SBF2: variants seen among roughly 807,000 people sequenced by gnomAD.
SBF2 encodes the protein myotubularin-related protein 13.
SBF2 carries 112 observed loss-of-function variants against 225.2 expected under a neutral mutation model. The observed-to-expected ratio is 0.50, with a 90% CI of 0.43 to 0.58. SBF2 has a LOEUF of 0.58. Among genes scored for constraint, SBF2 ranks in the 20% least tolerant of loss-of-function variants. SBF2 has a pLI of 0.00. For missense variants in SBF2, 1,996 were observed against 2,206.2 expected, an observed-to-expected ratio of 0.90 and a Z score of 1.91; for synonymous variants, 763 against 773.3, an observed-to-expected ratio of 0.99 and a Z score of 0.22.
At chr11:9,877,234 T>G in intron 17 of SBF2, among the ~76,000 whole-genome samples, 1 of 152,276 alleles carries the variant, frequency 6.6e-6, no homozygotes, top group East Asian at 1.9e-4. Context: ...AAGGTAGAGT[T>G]TTTAAAAAAT....
chr11:10,085,832 C>G (rs1441620478), intron 2 of SBF2, among the ~76,000 whole-genome samples: 1 of 152,022 alleles, frequency 6.6e-6, no homozygotes, highest in Non-Finnish European at 1.5e-5. Flanking sequence ...CATCTTGACC[C>G]TCCTGTCCCC....
intron 6 of SBF2, among the ~76,000 whole-genome samples, chr11:10,009,260 ATAT>A (rs991602632): frequency 2.0e-5 from 3 of 152,094 alleles, no homozygotes; most frequent in African/African-American, 7.2e-5. Flanking sequence ...TGCTTTCTAT[ATAT>A]TTTTATTTAT....
chr11:10,043,279 C>G (rs1949725171), intron 2 of SBF2, among the ~76,000 whole-genome samples: 2 of 152,102 alleles, frequency 1.3e-5, no homozygotes, highest in Non-Finnish European at 1.5e-5. Flanking sequence ...AAGACATCCC[C>G]CAACTATGAG....
At chr11:10,278,370 T>C (rs966917912) in intron 1 of SBF2, among the ~76,000 whole-genome samples, 1 of 152,216 alleles carries the variant, frequency 6.6e-6, no homozygotes, top group Non-Finnish European at 1.5e-5. Context: ...TAAATAACTT[T>C]TACTCAATAA....
At chr11:10,160,298 T>G (rs1955676625) in intron 2 of SBF2, among the ~76,000 whole-genome samples, 1 of 152,190 alleles carries the variant, frequency 6.6e-6, no homozygotes, top group South Asian at 2.1e-4. Context: ...AAACTCTCCA[T>G]TCCCCAAACT....
At chr11:10,284,524 T>C (rs1158903277) in intron 1 of SBF2, among the ~76,000 whole-genome samples, 1 of 152,162 alleles carries the variant, frequency 6.6e-6, no homozygotes, top group African/African-American at 2.4e-5. Flanking sequence ...TTCTATATAA[T>C]TCAAATAGCA....
chr11:9,977,457 T>C (rs1333592079), intron 13 of SBF2, among the ~76,000 whole-genome samples: 1 of 151,638 alleles, frequency 6.6e-6, no homozygotes, highest in East Asian at 1.9e-4. Flanking sequence ...ACTGCACTCC[T>C]TTCTGGGTGA....
At chr11:10,211,914 T>C (rs1957956761) in intron 1 of SBF2, among the ~76,000 whole-genome samples, 2 of 152,220 alleles carry the variant, frequency 1.3e-5, no homozygotes, top group Admixed American at 1.3e-4. Flanking sequence ...AGACCACATG[T>C]GGAACCAAAT....
chr11:10,064,712 A>C (rs1950571147), intron 2 of SBF2, among the ~76,000 whole-genome samples: 1 of 152,206 alleles, frequency 6.6e-6, no homozygotes, highest in Non-Finnish European at 1.5e-5. Context: ...TATATGGGCC[A>C]ATTAATCAAG....
chr11:10,215,887 A>G (rs1423793430), intron 1 of SBF2, among the ~76,000 whole-genome samples: 1 of 152,150 alleles, frequency 6.6e-6, no homozygotes, highest in Non-Finnish European at 1.5e-5. Flanking sequence ...ATGCTCATCT[A>G]TGTCTTTAAG....
intron 17 of SBF2, among the ~76,000 whole-genome samples, chr11:9,893,192 T>C (rs75311148): frequency 1.6e-3 from 238 of 152,360 alleles, no homozygotes; most frequent in African/African-American, 5.5e-3. Context: ...TGAGGATGGC[T>C]AATTTGCAAT....
intron 31 of SBF2, chr11:9,808,530 G>A (rs1012614581): frequency 5.9e-5 from 25 of 426,644 alleles, no homozygotes; most frequent in Non-Finnish European, 9.6e-5. Flanking sequence ...ATGTCTTAAT[G>A]TAGTCTGAAC....
At chr11:10,196,866 A>ATATATATATATATATATATTTT in intron 1 of SBF2, among the ~76,000 whole-genome samples, 2 of 99,308 alleles carry the variant, frequency 2.0e-5, no homozygotes, top group Non-Finnish European at 3.9e-5. Context: ...ATATATATAT[A>ATATATATATATATATATATTTT]TTTTTTTTTT....
intron 33 of SBF2, among the ~76,000 whole-genome samples, chr11:9,793,317 ACGGCTCTACCCGTGG>A: frequency 6.6e-6 from 1 of 152,088 alleles, no homozygotes; most frequent in Admixed American, 6.6e-5. Flanking sequence ...TCCTTGATCT[ACGGCTCTACCCGTGG>A]GACCAGTGGT....
At chr11:10,033,150 C>T (rs1015617818) in intron 3 of SBF2, among the ~76,000 whole-genome samples, 1 of 152,138 alleles carries the variant, frequency 6.6e-6, no homozygotes, top group Non-Finnish European at 1.5e-5. Context: ...AATATGAATT[C>T]ACCAAAGATT....
chr11:10,112,323 G>A (rs1420237493), intron 2 of SBF2, among the ~76,000 whole-genome samples: 1 of 152,158 alleles, frequency 6.6e-6, no homozygotes, highest in African/African-American at 2.4e-5. Flanking sequence ...CTGAATTATG[G>A]GGGTGGGTCT....
At chr11:9,999,180 G>A (rs116630783) in intron 8 of SBF2, among the ~76,000 whole-genome samples, 2,121 of 152,082 alleles carry the variant, frequency 0.014, 51 homozygotes, top group African/African-American at 0.048. Context: ...TATTCATTAC[G>A]ATTTTAAGAA....
In SBF2 at chr11:10,063,427, G is replaced by A. The variant is rs985662080; in HGVS notation, c.142-20446C>T. 2.0e-5 allele frequency among the ~76,000 whole-genome samples: 3 copies of A among 150,006 alleles called. No individual in the cohort carries two copies. The Admixed American group carries it at 2.0e-4, about 10-fold the overall frequency. On this transcript the variant is annotated intron_variant, in intron 2 of 39. Transcript: ENST00000256190. Reference sequence around the variant, plus strand: ...GGCTGGAGTGCAGTGGCGTGATCTCGGCTCACTGCAAGCCCTGCCTCCTAG... The same window carrying A: ...GGCTGGAGTGCAGTGGCGTGATCTCAGCTCACTGCAAGCCCTGCCTCCTAG...
intron 2 of SBF2, among the ~76,000 whole-genome samples, chr11:10,171,262 T>A (rs55925664): frequency 0.18 from 27,021 of 152,142 alleles, 2,602 homozygotes; most frequent in Middle Eastern, 0.25. Flanking sequence ...TTCATAATGA[T>A]ATTAGCTGTG....
Sources: allele counts gnomAD v4.1 joint callset (sites outside exome capture counted in the v4.1 genomes callset), GRCh38; gene constraint gnomAD v4.1.1; transcripts MANE v1.5; gene names NCBI Gene and HGNC (gene_info 2026-07-23, HGNC 2026-07-21).